Variants in KAT6B observed in about 807,000 individuals in gnomAD.
The protein encoded by KAT6B is lysine acetyltransferase 6B, also known as histone acetyltransferase KAT6B.
Under a neutral mutation model 187.5 loss-of-function variants are expected in KAT6B, and 10 were observed. The observed-to-expected ratio is 0.05, with a 90% CI of 0.03 to 0.09. The LOEUF is 0.09. Ranked by LOEUF, KAT6B falls within the 10% of genes least tolerant of loss-of-function variation. The probability of loss-of-function intolerance (pLI) is 1.00; values close to 1 mark genes in which losing one functional copy is unlikely to be tolerated. For missense variants in KAT6B, 1,952 were observed against 2,558.9 expected, an observed-to-expected ratio of 0.76 and a Z score of 5.12; for synonymous variants, 861 against 926.8, an observed-to-expected ratio of 0.93 and a Z score of 1.29.
chr10:74,963,553 A>G (rs1182640772), intron 4 of KAT6B, among the ~76,000 whole-genome samples: 1 of 152,158 alleles, frequency 6.6e-6, no homozygotes, highest in African/African-American at 2.4e-5. Flanking sequence ...GTGGAGTAGA[A>G]TATCAGTGCA....
intron 3 of KAT6B, among the ~76,000 whole-genome samples, chr10:74,860,616 A>G (rs1843111172): frequency 6.6e-6 from 1 of 152,216 alleles, no homozygotes; most frequent in African/African-American, 2.4e-5. Flanking sequence ...GGCGAAATCA[A>G]CACATACCTA....
At chr10:74,851,582 C>T (rs757276774) in intron 3 of KAT6B, among the ~76,000 whole-genome samples, 3 of 152,032 alleles carry the variant, frequency 2.0e-5, no homozygotes, top group Non-Finnish European at 4.4e-5. Flanking sequence ...CCACCTGCCT[C>T]GGCCTCCCAA....
intron 3 of KAT6B, among the ~76,000 whole-genome samples, chr10:74,887,280 G>C (rs961653799): frequency 2.6e-5 from 4 of 152,146 alleles, no homozygotes; most frequent in African/African-American, 4.8e-5. Flanking sequence ...CCCAGGGACT[G>C]AGCCATGGAT....
chr10:74,903,289 G>A (rs1846528796), intron 3 of KAT6B, among the ~76,000 whole-genome samples: 1 of 152,158 alleles, frequency 6.6e-6, no homozygotes, highest in South Asian at 2.1e-4. Flanking sequence ...TGGAACCTAT[G>A]CATGTTTGAG....
At position 74,977,296 on chromosome 10, in the gene KAT6B, C is replaced by A. The variant is rs373239366; in HGVS notation, c.1994-20C>A. ...TGATTCAAGTCAGTGAATACACTTTCTGCTGGTTTTAAATGACAGATACTG... is the reference window on the plus strand; with the variant it reads ...TGATTCAAGTCAGTGAATACACTTTATGCTGGTTTTAAATGACAGATACTG... On this transcript the variant is annotated intron_variant, in intron 8 of 17. Coordinates refer to ENST00000287239, the MANE Select transcript of KAT6B (RefSeq NM_012330.4). 1.2e-6 allele frequency: 2 copies of A among 1,611,120 alleles called. No individual in the cohort carries two copies. Among genetic ancestry groups the A allele is most frequent in the South Asian group, 1.1e-5 (1 of 90,680 alleles).
chr10:74,983,083 T>TTCTA (rs1165814513), intron 11 of KAT6B: 2 of 152,236 alleles, frequency 1.3e-5, no homozygotes, highest in East Asian at 3.8e-4. Flanking sequence ...CTTTCTCTTT[T>TTCTA]TCTATCAGCT....
chr10:74,919,287 T>C (rs1410559526), intron 3 of KAT6B, among the ~76,000 whole-genome samples: 1 of 152,166 alleles, frequency 6.6e-6, no homozygotes, highest in Non-Finnish European at 1.5e-5. Context: ...GTACAATATA[T>C]CAAGATACAG....
At chr10:74,894,163 A>G (rs530483844) in intron 3 of KAT6B, among the ~76,000 whole-genome samples, 26 of 151,576 alleles carry the variant, frequency 1.7e-4, no homozygotes, top group African/African-American at 4.6e-4. Flanking sequence ...GCTCGCTGCA[A>G]CTTCGCTTGC....
At chr10:75,014,377 A>G (rs1221410746) in intron 13 of KAT6B, among the ~76,000 whole-genome samples, 1 of 152,246 alleles carries the variant, frequency 6.6e-6, no homozygotes, top group East Asian at 1.9e-4. Context: ...CTCTTAAGCC[A>G]GAAGTTAAAG....
At chr10:74,949,698 A>T (rs1840184468) in intron 3 of KAT6B, among the ~76,000 whole-genome samples, 1 of 152,172 alleles carries the variant, frequency 6.6e-6, no homozygotes, top group Admixed American at 6.5e-5. Context: ...GTTATGGCTA[A>T]GCTTTATTAT....
intron 8 of KAT6B, chr10:74,977,014 G>A (rs1031217922): frequency 3.1e-5 from 10 of 325,338 alleles, no homozygotes; most frequent in East Asian, 7.2e-5. Context: ...ACTAGACATC[G>A]ATAAAACTTC....
In KAT6B at chr10:75,030,358, A is replaced by G. The variant is rs779773468; in HGVS notation, c.5534A>G (p.Asn1845Ser). The change falls in exon 18 of 18, where the codon AAC becomes AGC. Residue 1845 changes from asparagine to serine, a missense_variant. By Grantham distance (46) the Asn-to-Ser change is conservative. Around this residue, in one of 9 missense-constraint regions of KAT6B, gnomAD observed 358 missense variants for 436.3 expected, o/e 0.82. Coordinates refer to ENST00000287239, the MANE Select transcript of KAT6B (RefSeq NM_012330.4). The surrounding 1 kb of genome is among the most constrained non-coding windows in gnomAD (Gnocchi z 4.8). ...SHSAAVTSYA[N>S]SASLSTPLSN... The stretch of plus-strand genomic sequence containing the variant: ...TCCGCTGCTGTGACTTCCTATGCAA[A>G]CAGTGCCTCTTTGTCCACACCATTA... 6.2e-7 allele frequency: 1 copy of G among 1,614,192 alleles called. No individual in the cohort carries two copies.
chr10:74,831,050 A>G (rs1840818541), intron 1 of KAT6B, among the ~76,000 whole-genome samples: 1 of 151,814 alleles, frequency 6.6e-6, no homozygotes, highest in Non-Finnish European at 1.5e-5. Context: ...TGGCCTCCCA[A>G]AGTGCTGGGA....
chr10:74,962,759 C>T (rs1257681175), intron 4 of KAT6B, among the ~76,000 whole-genome samples: 3 of 152,028 alleles, frequency 2.0e-5, no homozygotes, highest in South Asian at 4.2e-4. Context: ...CTTCTGCTTA[C>T]ATCATAAAGT....
chr10:75,019,716 C>A (rs1845238686), intron 13 of KAT6B, among the ~76,000 whole-genome samples: 1 of 151,770 alleles, frequency 6.6e-6, no homozygotes, highest in Admixed American at 6.6e-5. Flanking sequence ...ACTGAGACAG[C>A]CGCCAGCTTT....
rs533102953 is a variant in KAT6B at position 74,932,869 on chromosome 10, C to A, written c.622-27101C>A. Among the ~76,000 whole-genome samples, 152 of 152,270 alleles carry A rather than the reference C, an allele frequency of 1.0e-3. 2 individuals are homozygous for A. The South Asian group carries it at 0.017, about 17-fold the overall frequency. ...GCCACTGCCACTTGGCTGCTGGCTT[C>A]AAAAGAGCCTGAATCAGTGAGTTGC... On this transcript the variant is annotated intron_variant, in intron 3 of 17. Coordinates refer to ENST00000287239, the MANE Select transcript of KAT6B (RefSeq NM_012330.4).
chr10:74,842,997 T>C lies in KAT6B; in HGVS notation c.140T>C (p.Val47Ala). 1 of 1,614,152 alleles carries C rather than the reference T, an allele frequency of 6.2e-7. No homozygotes were observed. Among genetic ancestry groups the C allele is most frequent in the African/African-American group, 1.3e-5 (1 of 75,034 alleles). Residue 47 changes from valine to alanine, a missense_variant, in exon 3 of 18, where the codon GTC becomes GCC. Val to Ala is a moderately conservative substitution (Grantham distance 64, BLOSUM62 0). Transcript: ENST00000287239. ...TCCCATGGGTTGGATAAGAAGACAG[T>C]CTCTGAACAGCTGGAACTCAGTGTT... ...STSHGLDKKT[V>A]SEQLELSVQD... is the part of the protein sequence containing the mutation.
At chr10:74,891,448 A>G (rs1454610913) in intron 3 of KAT6B, among the ~76,000 whole-genome samples, 1 of 152,246 alleles carries the variant, frequency 6.6e-6, no homozygotes, top group Admixed American at 6.5e-5. Context: ...TAAATGGTAC[A>G]AGGGTTTGCA....
chr10:74,960,240 G>T (rs375205801), intron 4 of KAT6B, among the ~76,000 whole-genome samples, 162 bp downstream of exon 4: 1 of 152,090 alleles, frequency 6.6e-6, no homozygotes, highest in African/African-American at 2.4e-5. Flanking sequence ...AGAAAAAAGC[G>T]TGAGTATGTT....
Sources: gnomAD v4.1 joint callset for allele counts (sites outside exome capture counted in the v4.1 genomes callset) on GRCh38, gnomAD v4.1.1 for gene constraint, gnomAD v4.1.1 regional missense constraint, Gnocchi (gnomAD v3.1) non-coding constraint, MANE v1.5 for transcripts, NCBI Gene and HGNC (gene_info 2026-07-23, HGNC 2026-07-21) for gene names.